SAMMSON: variants seen among roughly 807,000 people sequenced by gnomAD.
SAMMSON encodes survival associated mitochondrial melanoma specific oncogenic non-coding RNA, also known as long intergenic non-protein coding RNA 1212.
chr3:70,143,356 G>A (rs886952180), intron 4 of SAMMSON, among the ~76,000 whole-genome samples: 2 of 150,446 alleles, frequency 1.3e-5, no homozygotes, highest in African/African-American at 4.9e-5. Flanking sequence ...AAGAATCAGG[G>A]TATATGTGTG....
intron 3 of SAMMSON, among the ~76,000 whole-genome samples, chr3:70,037,322 G>A (rs1416526351): frequency 2.0e-5 from 3 of 152,164 alleles, no homozygotes; most frequent in South Asian, 2.1e-4. Context: ...GTCAAGCAGG[G>A]TCCTTCTCTA....
intron 4 of SAMMSON, among the ~76,000 whole-genome samples, chr3:70,093,130 T>C (rs536708852): frequency 6.6e-6 from 1 of 152,244 alleles, no homozygotes; most frequent in East Asian, 1.9e-4. Flanking sequence ...TGAGCTTCCA[T>C]AGCTAAAGGG....
intron 6 of SAMMSON, among the ~76,000 whole-genome samples, chr3:70,277,650 A>T: frequency 6.6e-6 from 1 of 152,140 alleles, no homozygotes; most frequent in East Asian, 1.9e-4. Context: ...TCTTCTAATG[A>T]AAGTATGGTC....
At chr3:70,080,170 C>T (rs191451056) in intron 4 of SAMMSON, among the ~76,000 whole-genome samples, 25 of 152,310 alleles carry the variant, frequency 1.6e-4, no homozygotes, top group Admixed American at 1.6e-3. Flanking sequence ...CTAGAGCACA[C>T]AATATCAGGA....
intron 3 of SAMMSON, among the ~76,000 whole-genome samples, chr3:70,034,199 A>G (rs1479902493): frequency 6.6e-6 from 1 of 152,208 alleles, no homozygotes; most frequent in African/African-American, 2.4e-5. Context: ...AAAAGTTTAT[A>G]TTAACAAAAT....
chr3:70,402,211 G>C (rs114523141), intron 2 of SAMMSON, among the ~76,000 whole-genome samples: 2 of 152,118 alleles, frequency 1.3e-5, no homozygotes, highest in Non-Finnish European at 2.9e-5. Context: ...TATTTAATCC[G>C]GAGCAATAGA....
intron 6 of SAMMSON, among the ~76,000 whole-genome samples, chr3:70,255,279 A>T (rs2106655854): frequency 6.6e-6 from 1 of 152,342 alleles, no homozygotes; most frequent in Non-Finnish European, 1.5e-5. Context: ...GTAAAACAAA[A>T]CTTCTATGAA....
intron 7 of SAMMSON, among the ~76,000 whole-genome samples, chr3:70,314,248 G>C (rs1019071518): frequency 6.6e-6 from 1 of 152,058 alleles, no homozygotes; most frequent in Non-Finnish European, 1.5e-5. Flanking sequence ...TAACATGATT[G>C]CCCACAAATT....
chr3:70,305,566 G>A (rs778075753), intron 7 of SAMMSON, among the ~76,000 whole-genome samples: 1 of 152,108 alleles, frequency 6.6e-6, no homozygotes, highest in Non-Finnish European at 1.5e-5. Context: ...GTTCCTTGAG[G>A]GCAGGACATT....
chr3:70,305,596 G>A (rs550610849), intron 7 of SAMMSON, among the ~76,000 whole-genome samples: 3 of 152,106 alleles, frequency 2.0e-5, no homozygotes, highest in Non-Finnish European at 2.9e-5. Context: ...TGGCATCTTT[G>A]TTTCTTTGTC....
chr3:70,003,869 T>C (rs1261113423), intron 1 of SAMMSON, among the ~76,000 whole-genome samples: 1 of 152,106 alleles, frequency 6.6e-6, no homozygotes, highest in East Asian at 1.9e-4. Context: ...TTATTTTGGC[T>C]TCATTGGGAA....
chr3:70,355,374 A>G (rs1262316650), intron 8 of SAMMSON, among the ~76,000 whole-genome samples: 2 of 152,142 alleles, frequency 1.3e-5, no homozygotes, highest in Non-Finnish European at 2.9e-5. Context: ...TGAAACATGC[A>G]CAGATAAAGT....
intron 4 of SAMMSON, among the ~76,000 whole-genome samples, chr3:70,216,892 A>G (rs978447939): frequency 2.6e-5 from 4 of 152,140 alleles, no homozygotes; most frequent in African/African-American, 9.6e-5. Context: ...GATGCTGCTG[A>G]ACAACCTATT....
chr3:70,300,879 C>T (rs1702341921), intron 7 of SAMMSON, among the ~76,000 whole-genome samples: 1 of 151,958 alleles, frequency 6.6e-6, no homozygotes, highest in Non-Finnish European at 1.5e-5. Flanking sequence ...GTCCTATAAA[C>T]ACAGTATGTC....
At chr3:70,234,879 GTCAC>G (rs1166501302) in intron 4 of SAMMSON, among the ~76,000 whole-genome samples, 1 of 152,112 alleles carries the variant, frequency 6.6e-6, no homozygotes, top group Non-Finnish European at 1.5e-5. Flanking sequence ...AATCTTGCCT[GTCAC>G]TTTTTAAACG....
chr3:70,291,582 T>A (rs28371054), intron 7 of SAMMSON, among the ~76,000 whole-genome samples: 31,626 of 152,006 alleles, frequency 0.21, 3,490 homozygotes, highest in South Asian at 0.28. Context: ...TGTTAATACT[T>A]AGCACAGTGC....
chr3:70,247,795 G>T (rs569133581), intron 4 of SAMMSON, among the ~76,000 whole-genome samples: 2 of 151,830 alleles, frequency 1.3e-5, no homozygotes, highest in South Asian at 4.2e-4. Context: ...AAGATTCAAG[G>T]TTTCAAACAC....
intron 4 of SAMMSON, among the ~76,000 whole-genome samples, chr3:70,139,439 C>T (rs2067518842): frequency 6.6e-6 from 1 of 152,198 alleles, no homozygotes. Flanking sequence ...ATACCCATGA[C>T]TCTGGGTAGC....
At chr3:70,405,196 A>T (rs747400633) in intron 2 of SAMMSON, among the ~76,000 whole-genome samples, 1 of 152,216 alleles carries the variant, frequency 6.6e-6, no homozygotes, top group Non-Finnish European at 1.5e-5. Flanking sequence ...AGGTGTGCTA[A>T]ACAAAACCCT....
Sources: allele counts gnomAD v4.1 joint callset (sites outside exome capture counted in the v4.1 genomes callset), GRCh38; gene constraint gnomAD v4.1.1; transcripts MANE v1.5; gene names NCBI Gene and HGNC (gene_info 2026-07-23, HGNC 2026-07-21).